Variants in MDM1 observed in about 807,000 individuals in gnomAD.
The protein encoded by MDM1 is Mdm1 nuclear protein.
In MDM1, 61 loss-of-function variants were observed where a neutral mutation model predicts 89.1. The ratio of observed to expected loss-of-function variants is 0.68; its 90% CI spans 0.56 to 0.85. MDM1 has a LOEUF of 0.85. Among genes scored for constraint, MDM1 ranks in the 40% least tolerant of loss-of-function variants. The pLI is 0.00. For synonymous variants in MDM1, 290 were observed against 294.1 expected, an observed-to-expected ratio of 0.99 and a Z score of 0.14; for missense variants, 820 against 846.5, an observed-to-expected ratio of 0.97 and a Z score of 0.39.
intron 10 of MDM1, 94 bp from the exon 11 acceptor site, chr12:68,313,847 A>T: frequency 8.7e-7 from 1 of 1,152,570 alleles, no homozygotes; most frequent in Non-Finnish European, 1.3e-6. Context: ...AATAAAGTAT[A>T]AAACTTGTAA....
chr12:68,325,292 T>G, intron 4 of MDM1, 149 bp downstream of exon 4: 13 of 1,340,124 alleles, frequency 9.7e-6, no homozygotes, highest in Non-Finnish European at 1.2e-5. Flanking sequence ...AGTAATAGGA[T>G]GATTTTAGCA....
chr12:68,324,995 G>C (rs140872428), intron 4 of MDM1: 2 of 977,136 alleles, frequency 2.0e-6, no homozygotes, highest in Admixed American at 1.2e-4. Context: ...ACAAAATTAC[G>C]TATCTTGTGT....
intron 2 of MDM1, among the ~76,000 whole-genome samples, chr12:68,329,680 G>A (rs1347052369): frequency 4.6e-5 from 7 of 152,138 alleles, no homozygotes; most frequent in Non-Finnish European, 1.0e-4. Flanking sequence ...ATGTTCCAAG[G>A]CCTGTGTTAG....
At chr12:68,302,457 T>C (rs1426148687) in intron 13 of MDM1, among the ~76,000 whole-genome samples, 163 bp downstream of exon 13, 1 of 152,194 alleles carries the variant, frequency 6.6e-6, no homozygotes, top group Non-Finnish European at 1.5e-5. Flanking sequence ...GCAGCACAAT[T>C]GGTCCCAAGG....
chr12:68,315,347 T>C (rs1874346546), intron 9 of MDM1, 82 bp from the exon 10 acceptor site: 9 of 1,288,852 alleles, frequency 7.0e-6, no homozygotes, highest in Admixed American at 2.1e-5. Context: ...AGTCCATCAT[T>C]TCCTTCTACT....
At chr12:68,324,515 T>A (rs1875679201) in intron 4 of MDM1, among the ~76,000 whole-genome samples, 1 of 152,150 alleles carries the variant, frequency 6.6e-6, no homozygotes, top group Non-Finnish European at 1.5e-5. Context: ...CCACAATTTA[T>A]AGGATCACTG....
At chr12:68,307,951 A>G (rs1223738634) in intron 12 of MDM1, among the ~76,000 whole-genome samples, 1 of 150,630 alleles carries the variant, frequency 6.6e-6, no homozygotes, top group African/African-American at 2.4e-5. Flanking sequence ...AAAAAAAAAA[A>G]GTGAATATAA....
chr12:68,311,309 C>T (rs1473323425), intron 12 of MDM1, among the ~76,000 whole-genome samples: 2 of 152,110 alleles, frequency 1.3e-5, no homozygotes, highest in Non-Finnish European at 2.9e-5. Flanking sequence ...TAACATTGGC[C>T]TAAAATATCC....
chr12:68,321,293 G>C (rs1875188497), intron 7 of MDM1, 54 bp downstream of exon 7: 1 of 1,381,226 alleles, frequency 7.2e-7, no homozygotes, highest in Non-Finnish European at 1.0e-6. Context: ...TGAAATTAAA[G>C]TGTTAACAGA....
intron 13 of MDM1, 125 bp from the exon 14 acceptor site, chr12:68,297,107 T>G (rs542650485): frequency 3.5e-5 from 17 of 485,388 alleles, no homozygotes; most frequent in African/African-American, 3.0e-4. Context: ...AACCTACATG[T>G]GAGTAAAGGT....
In MDM1 at chr12:68,327,033, G is replaced by T; in HGVS notation, c.134-12C>A. ...CTCTTTCGTGATGCCTACAAAACACGGTATACAAAAATAGTAGCTACTAAA... is the reference window on the plus strand; with the variant it reads ...CTCTTTCGTGATGCCTACAAAACACTGTATACAAAAATAGTAGCTACTAAA... On this transcript the variant is annotated splice_polypyrimidine_tract_variant and intron_variant, in intron 2 of 14. Transcript: ENST00000682720. 6.4e-7 allele frequency: 1 copy of T among 1,553,844 alleles called. No individual in the cohort carries two copies. Among genetic ancestry groups the T allele is most frequent in the South Asian group, 1.2e-5 (1 of 82,860 alleles).
At chr12:68,327,494 A>C in intron 2 of MDM1, 1 of 1,535,904 alleles carries the variant, frequency 6.5e-7, no homozygotes, top group Non-Finnish European at 8.7e-7. Flanking sequence ...TCTTGGTTCT[A>C]CATCTGCCTT....
intron 12 of MDM1, among the ~76,000 whole-genome samples, chr12:68,311,153 G>A (rs1873620695): frequency 6.6e-6 from 1 of 151,822 alleles, no homozygotes; most frequent in African/African-American, 2.4e-5. Flanking sequence ...TTATTCTCAT[G>A]ACAAATTCAA....
Position 68,321,452 on chromosome 12 carries a change from AGAAAT to A in MDM1, c.906-11_906-7del, listed in dbSNP as rs772845819. ...TATATTCGGAATTCACCTTCCTAAT[AGAAAT>A]GAAATGAAAGTAAATATTTCACCAT... On this transcript the variant is annotated splice_polypyrimidine_tract_variant and splice_region_variant and intron_variant, in intron 6 of 14. Transcript: ENST00000682720. The A allele has an allele frequency of 6.2e-6, 10 of 1,612,666 alleles. No homozygotes were observed. The East Asian group carries it at 6.7e-5, about 11-fold the overall frequency.
chr12:68,318,973 T>C (rs1286011341), intron 7 of MDM1, among the ~76,000 whole-genome samples: 4 of 152,198 alleles, frequency 2.6e-5, no homozygotes, highest in African/African-American at 9.7e-5. Flanking sequence ...TTACAATGTC[T>C]GTCAAATTAC....
At chr12:68,310,128 G>A (rs1415551210) in intron 12 of MDM1, among the ~76,000 whole-genome samples, 1 of 152,112 alleles carries the variant, frequency 6.6e-6, no homozygotes, top group African/African-American at 2.4e-5. Flanking sequence ...CTGCCACCAC[G>A]CCCAGCTAAT....
rs76692796 is a variant in MDM1, at chr12:68,326,873, T to G, written c.282A>C (p.Ser94=). Residue 94 remains serine, a synonymous_variant, in exon 3 of 15, where the codon TCA becomes TCC. Transcript: ENST00000682720. ...TAACATCCTTTTGTTCTGCTTCTTG[T>G]GATTTTGGTGTTTCCGGGGCTTCTG... is the stretch of plus-strand genomic sequence containing the variant. The part of the protein sequence containing the change: ...PEPEAPETPK[S]QEAEQKDVTQ... 2,650 of 1,613,982 alleles carry G rather than the reference T, an allele frequency of 1.6e-3. 35 individuals carry two copies. In the African/African-American group the frequency reaches 0.025, roughly 15 times the overall value.
At chr12:68,305,503 T>TA (rs1248529613) in intron 12 of MDM1, among the ~76,000 whole-genome samples, 4 of 152,002 alleles carry the variant, frequency 2.6e-5, no homozygotes, top group South Asian at 2.1e-4. Flanking sequence ...ATTCTAAACC[T>TA]AAAAAAACCC....
intron 5 of MDM1, 42 bp downstream of exon 5, chr12:68,323,031 T>C (rs765384941): frequency 1.3e-5 from 21 of 1,559,830 alleles, no homozygotes; most frequent in South Asian, 1.1e-4. Context: ...GAATCTAAAA[T>C]AACGGGGATT....
Sources: gnomAD v4.1 joint callset for allele counts (sites outside exome capture counted in the v4.1 genomes callset) on GRCh38, gnomAD v4.1.1 for gene constraint, MANE v1.5 for transcripts, NCBI Gene and HGNC (gene_info 2026-07-23, HGNC 2026-07-21) for gene names.